ABCA13: variants seen among roughly 807,000 people sequenced by gnomAD.
ABCA13 encodes ATP-binding cassette sub-family A member 13.
A neutral mutation model predicts 478.7 loss-of-function variants in ABCA13; 476 were observed. That is an observed-to-expected ratio of 0.99 (90% CI 0.92 to 1.07). ABCA13 has a LOEUF of 1.07. Ranked by LOEUF, ABCA13 falls within the 50% of genes least tolerant of loss-of-function variation. The pLI is 0.00. For synonymous variants in ABCA13, 2,252 were observed against 2,158.9 expected, an observed-to-expected ratio of 1.04 and a Z score of -1.20; for missense variants, 6,060 against 5,910.6, an observed-to-expected ratio of 1.03 and a Z score of -0.83.
At chr7:48,551,499 A>G (rs1785319376) in intron 55 of ABCA13, among the ~76,000 whole-genome samples, 1 of 151,836 alleles carries the variant, frequency 6.6e-6, no homozygotes, top group Non-Finnish European at 1.5e-5. Context: ...TCTAAGGATT[A>G]TTAGATCTGT....
intron 28 of ABCA13, among the ~76,000 whole-genome samples, chr7:48,336,961 T>C (rs1563076087): frequency 6.6e-6 from 1 of 152,174 alleles, no homozygotes; most frequent in South Asian, 2.1e-4. Context: ...TAGGAGAACA[T>C]AAAACAGTGC....
At chr7:48,640,110 T>C (rs1374494317) in intron 59 of ABCA13, among the ~76,000 whole-genome samples, 2 of 152,232 alleles carry the variant, frequency 1.3e-5, no homozygotes, top group Non-Finnish European at 2.9e-5. Flanking sequence ...TTTTCTATTT[T>C]GCACTTAATA....
At chr7:48,580,478 T>G in intron 56 of ABCA13, 104 bp downstream of exon 56, 1 of 1,078,470 alleles carries the variant, frequency 9.3e-7, no homozygotes, top group South Asian at 1.7e-5. Flanking sequence ...GAGAAGGAAC[T>G]GTAGTATCAG....
At position 48,269,062 on chromosome 7, in the gene ABCA13, C is replaced by T. The variant is rs747416752; in HGVS notation, c.2088C>T (p.Asn696=). 8.2e-6 allele frequency: 13 copies of T among 1,593,530 alleles called. No individual in the cohort carries two copies. In the East Asian group the frequency reaches 2.9e-4, roughly 36 times the overall value. ...ISDNYFQFLN[N]LLKSPTASIS... is the part of the protein sequence containing the mutation. Reference sequence around the variant, plus strand: ...ATAATTATTTTCAATTTTTGAATAACTTACTCAAGTCTCCAACAGCTTCCA... The same window carrying T: ...ATAATTATTTTCAATTTTTGAATAATTTACTCAAGTCTCCAACAGCTTCCA... Residue 696 remains asparagine, a synonymous_variant, in exon 16 of 62, where the codon AAC becomes AAT. Coordinates refer to ENST00000435803, the MANE Select transcript of ABCA13 (RefSeq NM_152701.5).
intron 59 of ABCA13, chr7:48,626,686 G>A (rs1586029248): frequency 1.0e-6 from 1 of 985,450 alleles, no homozygotes. Context: ...TGAAGAACAC[G>A]ATAATAGAAC....
At chr7:48,553,387 A>T (rs1785502795) in intron 55 of ABCA13, among the ~76,000 whole-genome samples, 1 of 151,946 alleles carries the variant, frequency 6.6e-6, no homozygotes, top group Admixed American at 6.6e-5. Context: ...GAACTTCCAA[A>T]CTTTTCTCCA....
chr7:48,613,022 AATTTG>A (rs1792179449), intron 58 of ABCA13, among the ~76,000 whole-genome samples: 1 of 152,154 alleles, frequency 6.6e-6, no homozygotes, highest in Non-Finnish European at 1.5e-5. Context: ...TATATTTTAT[AATTTG>A]TTGGCATGTT....
At chr7:48,346,025 T>G (rs73097197) in intron 29 of ABCA13, among the ~76,000 whole-genome samples, 16 of 152,160 alleles carry the variant, frequency 1.1e-4, no homozygotes, top group Non-Finnish European at 5.9e-5. Context: ...TACAATAACA[T>G]TCTATGCAGG....
At chr7:48,427,669 G>A in intron 41 of ABCA13, 97 bp from the exon 42 acceptor site, 1 of 756,156 alleles carries the variant, frequency 1.3e-6, no homozygotes, top group South Asian at 1.6e-5. Flanking sequence ...TTTGGCATAT[G>A]TTGTCACAAC....
At chr7:48,186,481 T>A (rs958760134) in intron 1 of ABCA13, among the ~76,000 whole-genome samples, 5 of 152,106 alleles carry the variant, frequency 3.3e-5, no homozygotes, top group African/African-American at 1.2e-4. Context: ...CTTAGTTGTG[T>A]TGAAGTTTCA....
In ABCA13 at chr7:48,640,866, A is replaced by G. The variant is rs759941299; in HGVS notation, c.14838-2422A>G. ...ACGTTTAGAAGTCTTCTTAACTATT[A>G]ACTGTTCTAGAGAGATCCTGAGTAA... On this transcript the variant is annotated intron_variant, in intron 59 of 61. Transcript: ENST00000435803. Among the ~76,000 whole-genome samples, 73 of 152,286 alleles carry G rather than the reference A, an allele frequency of 4.8e-4. 1 individual carries two copies. The highest frequency in any genetic ancestry group is 1.7e-3 in the African/African-American group (72 of 41,568).
intron 8 of ABCA13, 144 bp downstream of exon 8, chr7:48,234,295 G>A: frequency 9.8e-7 from 1 of 1,016,864 alleles, no homozygotes; most frequent in Non-Finnish European, 1.5e-6. Flanking sequence ...TCCTTACGCA[G>A]AAGAGACCCC....
chr7:48,547,843 G>A (rs1049566664), intron 55 of ABCA13, among the ~76,000 whole-genome samples: 4 of 151,896 alleles, frequency 2.6e-5, no homozygotes, highest in African/African-American at 9.7e-5. Context: ...GATAGGCTAG[G>A]ATAAGTGATG....
At chr7:48,629,175 C>T (rs1793936298) in intron 59 of ABCA13, among the ~76,000 whole-genome samples, 1 of 152,160 alleles carries the variant, frequency 6.6e-6, no homozygotes, top group African/African-American at 2.4e-5. Flanking sequence ...ATTGTGCTGT[C>T]ACCTTCTCTG....
At chr7:48,375,807 T>A (rs909413903) in intron 34 of ABCA13, among the ~76,000 whole-genome samples, 1 of 152,106 alleles carries the variant, frequency 6.6e-6, no homozygotes, top group Non-Finnish European at 1.5e-5. Context: ...TTAGAATAAA[T>A]TGAATCAAAA....
chr7:48,509,703 G>A (rs1336420345), intron 50 of ABCA13, among the ~76,000 whole-genome samples: 1 of 152,116 alleles, frequency 6.6e-6, no homozygotes, highest in South Asian at 2.1e-4. Context: ...TTGAGGATCT[G>A]TTGTGGGTCA....
chr7:48,564,157 ATC>A (rs536714564), intron 55 of ABCA13, among the ~76,000 whole-genome samples: 36 of 152,218 alleles, frequency 2.4e-4, no homozygotes, highest in Middle Eastern at 3.4e-3. Context: ...GGTGCAACAC[ATC>A]TCTCAGATCT....
intron 46 of ABCA13, among the ~76,000 whole-genome samples, 191 bp downstream of exon 46, chr7:48,481,345 C>T (rs1828737641): frequency 6.6e-6 from 1 of 152,174 alleles, no homozygotes; most frequent in African/African-American, 2.4e-5. Flanking sequence ...ATAGTTTTGT[C>T]ATCTGTTTCT....
chr7:48,643,163 T>A, intron 59 of ABCA13, 125 bp from the exon 60 acceptor site: 1 of 628,304 alleles, frequency 1.6e-6, no homozygotes. Context: ...ATATTGAGAA[T>A]CCAAACTCCC....
Sources: gnomAD v4.1 joint callset for allele counts (sites outside exome capture counted in the v4.1 genomes callset) on GRCh38, gnomAD v4.1.1 for gene constraint, MANE v1.5 for transcripts, NCBI Gene and HGNC (gene_info 2026-07-23, HGNC 2026-07-21) for gene names.